Variants in GLMN observed in about 807,000 individuals in gnomAD.
GLMN encodes the protein glomulin, FKBP associated protein, also known as glomulin.
Under a neutral mutation model 87.8 loss-of-function variants are expected in GLMN, and 75 were observed. The ratio of observed to expected loss-of-function variants is 0.85; its 90% CI spans 0.71 to 1.04. The LOEUF (loss-of-function observed/expected upper bound fraction) is 1.04, where lower values mean the gene tolerates loss of function less well. Among genes scored for constraint, GLMN ranks in the 50% least tolerant of loss-of-function variants. The pLI is 0.00. For synonymous variants in GLMN, 206 were observed against 221.6 expected (o/e 0.93, Z 0.63); for missense variants, 588 against 658.8 (o/e 0.89, Z 1.18).
the GLMN span, among the ~76,000 whole-genome samples, chr1:92,346,188 G>GTTTTTTT: frequency 6.7e-6 from 1 of 149,492 alleles, no homozygotes; most frequent in African/African-American, 2.5e-5. Flanking sequence ...TTTTGAGACA[G>GTTTTTTT]GGTCTCGCTC....
chr1:92,366,937 ACTTGTT>A, the GLMN span, among the ~76,000 whole-genome samples: 1 of 152,188 alleles, frequency 6.6e-6, no homozygotes, highest in African/African-American at 2.4e-5. Flanking sequence ...ATCATTTACC[ACTTGTT>A]CTTGTAGAAA....
At chr1:92,286,790 C>T (rs1165578917) in intron 6 of GLMN, among the ~76,000 whole-genome samples, 198 bp from the exon 7 acceptor site, 1 of 152,194 alleles carries the variant, frequency 6.6e-6, no homozygotes, top group Non-Finnish European at 1.5e-5. Flanking sequence ...TCCACTCTCA[C>T]GGATGAGATT....
chr1:92,323,566 A>T, the GLMN span: 1 of 1,613,750 alleles, frequency 6.2e-7, no homozygotes, highest in South Asian at 1.1e-5. Context: ...CAGTGATAGT[A>T]GCAGTGACAA....
the GLMN span, among the ~76,000 whole-genome samples, chr1:92,319,646 C>T: frequency 6.6e-6 from 1 of 152,130 alleles, no homozygotes; most frequent in Non-Finnish European, 1.5e-5. Flanking sequence ...CAATTATAAA[C>T]AGTCTCTGCC....
the GLMN span, among the ~76,000 whole-genome samples, chr1:92,311,932 G>C: frequency 3.9e-5 from 6 of 152,196 alleles, no homozygotes; most frequent in Non-Finnish European, 1.5e-5. Context: ...GAAGGGTCCT[G>C]TTTTGATGTG....
intron 7 of GLMN, among the ~76,000 whole-genome samples, chr1:92,277,176 TAAAAAAAGGAAACAAAC>T (rs918613207): frequency 5.9e-5 from 9 of 152,074 alleles, no homozygotes; most frequent in Admixed American, 1.3e-4. Context: ...TTTAGTCAAT[TAAAAAAAGGAAACAAAC>T]AAAAAATATC....
In GLMN at chr1:92,297,628, A is replaced by C. The variant is rs149889722; in HGVS notation, c.40-99T>G. 3.6e-4 allele frequency: 368 copies of C among 1,033,922 alleles called. 1 individual carries two copies. In the African/African-American group the frequency reaches 5.5e-3, roughly 15 times the overall value. The allele number at this position is 1,033,922 out of a possible 1,614,324, so 64.0% of individuals were successfully genotyped here. On this transcript the variant is annotated intron_variant, in intron 2 of 18. Transcript: ENST00000370360. ...TCTTGATTTATCTATGAAAAAAGGA[A>C]ATCTGTTTAAATTCTAGATAAATGT...
Position 92,286,546 on chromosome 1 carries a change from C to T in GLMN, c.679G>A (p.Glu227Lys). The change falls in exon 7 of 19, where the codon GAA becomes AAA. Residue 227 changes from glutamate (E) to lysine (K), a missense_variant. By Grantham distance (56) the Glu-to-Lys change is moderately conservative (BLOSUM62 1). Transcript: ENST00000370360. ...TCATTTCCACCTTCTTCAGACTGTT[C>T]AAAGAATTGTGCTGTCAGCAAAGGG... is the stretch of plus-strand genomic sequence containing the variant. ...KCPLLTAQFF[E>K]QSEEGGNDPF... is the part of the protein sequence containing the mutation. 2.5e-6 allele frequency: 4 copies of T among 1,608,036 alleles called. No individual in the cohort carries two copies. Among genetic ancestry groups the T allele is most frequent in the Non-Finnish European group, 3.4e-6 (4 of 1,174,794 alleles).
chr1:92,283,532 T>C (rs539104354), intron 7 of GLMN, among the ~76,000 whole-genome samples: 143 of 152,292 alleles, frequency 9.4e-4, no homozygotes, highest in African/African-American at 3.2e-3. Flanking sequence ...GGCAAAAAAT[T>C]GGAAGCATTC....
chr1:92,282,122 A>G (rs930674043), intron 7 of GLMN, among the ~76,000 whole-genome samples: 1 of 152,210 alleles, frequency 6.6e-6, no homozygotes, highest in Admixed American at 6.5e-5. Context: ...GAACAAGTGG[A>G]CCTAATAGAC....
intron 11 of GLMN, among the ~76,000 whole-genome samples, chr1:92,267,333 T>TC (rs1218293970): frequency 6.6e-6 from 1 of 152,192 alleles, no homozygotes; most frequent in Non-Finnish European, 1.5e-5. Flanking sequence ...GTTATGCTTT[T>TC]CTACTGGATG....
At chr1:92,307,244 C>T in the GLMN span, 1 of 1,612,490 alleles carries the variant, frequency 6.2e-7, no homozygotes, top group Non-Finnish European at 8.5e-7. Context: ...CACAAATTCC[C>T]AAAACTCCAG....
rs142297205 is a variant in GLMN, at chr1:92,275,823, C to G, written c.736-4171G>C. On this transcript the variant is annotated intron_variant, in intron 7 of 18. Transcript: ENST00000370360. ...CAGTTTCTGTGTATTTCTACCACTT[C>G]CGACTTCCTTCTTGGGCTCATTTTA... Among the ~76,000 whole-genome samples, 358 of 152,304 alleles carry G rather than the reference C, an allele frequency of 2.4e-3. 2 individuals are homozygous for G. Among genetic ancestry groups the G allele is most frequent in the Non-Finnish European group, 4.2e-3 (288 of 68,022 alleles).
At chr1:92,279,857 C>T (rs1264042463) in intron 7 of GLMN, among the ~76,000 whole-genome samples, 3 of 152,330 alleles carry the variant, frequency 2.0e-5, no homozygotes, top group South Asian at 4.1e-4. Context: ...GCACTGCTAG[C>T]GCAGCAGTCT....
the GLMN span, among the ~76,000 whole-genome samples, chr1:92,332,965 C>G: frequency 6.6e-6 from 1 of 151,960 alleles, no homozygotes. Flanking sequence ...GAGAGAGAGT[C>G]GGTTTGAATT....
upstream of GLMN, chr1:92,299,103 C>T (rs562214352): frequency 2.6e-4 from 394 of 1,521,206 alleles, 2 homozygotes; most frequent in South Asian, 3.9e-3. Flanking sequence ...CGTCTTCTGC[C>T]GGCCGCAAGG....
Position 92,286,542 on chromosome 1 carries a change from T to C in GLMN, c.683A>G (p.Gln228Arg), listed in dbSNP as rs1570957415. 3 of 1,607,958 alleles carry C rather than the reference T, an allele frequency of 1.9e-6. No homozygotes were observed. The highest frequency in any genetic ancestry group is 2.6e-6 in the Non-Finnish European group (3 of 1,174,612). The change falls in exon 7 of 19, where the codon CAG (glutamine) becomes CGG (arginine). Residue 228 changes from glutamine to arginine, a missense_variant. Physicochemically the swap from Gln to Arg is conservative, Grantham distance 43 (BLOSUM62 1). Coordinates refer to ENST00000370360, the MANE Select transcript of GLMN (RefSeq NM_053274.3). ...CPLLTAQFFEQSEEGGNDPFR... is the reference protein window; with the variant it reads ...CPLLTAQFFERSEEGGNDPFR... Reference sequence around the variant, plus strand: ...AGGATCATTTCCACCTTCTTCAGACTGTTCAAAGAATTGTGCTGTCAGCAA... The same window carrying C: ...AGGATCATTTCCACCTTCTTCAGACCGTTCAAAGAATTGTGCTGTCAGCAA...
the GLMN span, chr1:92,304,050 C>T: frequency 6.2e-7 from 1 of 1,611,678 alleles, no homozygotes; most frequent in African/African-American, 1.3e-5. Context: ...TGTGGTTATC[C>T]TTTATGTCAG....
At chr1:92,272,571 G>A (rs554759688) in intron 7 of GLMN, among the ~76,000 whole-genome samples, 1 of 152,272 alleles carries the variant, frequency 6.6e-6, no homozygotes, top group East Asian at 1.9e-4. Context: ...AATATATGAA[G>A]CAAGGGTAAA....
Sources: gnomAD v4.1 joint callset for allele counts (sites outside exome capture counted in the v4.1 genomes callset) on GRCh38, gnomAD v4.1.1 for gene constraint, MANE v1.5 for transcripts, NCBI Gene and HGNC (gene_info 2026-07-23, HGNC 2026-07-21) for gene names.